FHIT: variants seen among roughly 807,000 people sequenced by gnomAD.
FHIT encodes bis(5'-adenosyl)-triphosphatase.
Under a neutral mutation model 17.9 loss-of-function variants are expected in FHIT, and 19 were observed. That is an observed-to-expected ratio of 1.06 (90% CI 0.74 to 1.56). The LOEUF (loss-of-function observed/expected upper bound fraction) is 1.56. Ranked by LOEUF, FHIT falls within the 40% of genes most tolerant of loss-of-function variation. The pLI is 0.00. For synonymous variants in FHIT, 81 were observed against 69.7 expected (o/e 1.16, Z -0.81); for missense variants, 248 against 189.2 (o/e 1.31, Z -1.82).
intron 2 of FHIT, among the ~76,000 whole-genome samples, chr3:61,092,461 C>G (rs963298208): frequency 6.6e-6 from 1 of 151,468 alleles, no homozygotes; most frequent in Non-Finnish European, 1.5e-5. Context: ...TTGAGAAAAG[C>G]AAAAAGGCCC....
chr3:60,232,197 A>G (rs1003887597), intron 5 of FHIT, among the ~76,000 whole-genome samples: 1 of 152,192 alleles, frequency 6.6e-6, no homozygotes, highest in African/African-American at 2.4e-5. Flanking sequence ...GTCCTGCATC[A>G]TATTTCAAGT....
intron 4 of FHIT, among the ~76,000 whole-genome samples, chr3:60,782,236 T>A (rs1210627410): frequency 1.7e-5 from 1 of 58,044 alleles, no homozygotes; most frequent in Non-Finnish European, 3.8e-5. Flanking sequence ...TGTGTGTGTG[T>A]GTATATATAT....
At chr3:60,943,543 C>T (rs1553775025) in intron 3 of FHIT, among the ~76,000 whole-genome samples, 2 of 152,126 alleles carry the variant, frequency 1.3e-5, no homozygotes, top group African/African-American at 4.8e-5. Context: ...GAGAGTATAG[C>T]TGTTCTCTCT....
intron 4 of FHIT, among the ~76,000 whole-genome samples, chr3:60,790,181 A>C (rs1700725827): frequency 6.6e-6 from 1 of 152,174 alleles, no homozygotes; most frequent in South Asian, 2.1e-4. Flanking sequence ...TTTTGTATTC[A>C]TTGTCAGTGT....
chr3:61,005,615 T>C lies in FHIT; in HGVS notation c.-111+36432A>G, dbSNP rs1200583081. Among the ~76,000 whole-genome samples, 16 of 152,246 alleles carry C rather than the reference T, an allele frequency of 1.1e-4. No individual in the cohort carries two copies. In the East Asian group the frequency reaches 3.1e-3, roughly 29 times the overall value. On this transcript the variant is annotated intron_variant, in intron 3 of 9. Transcript: ENST00000492590. ...TTGAAGTAGTGGAACTGATAAATATTTGTTAATCCTGGTCCCTCAATCCAA... is the reference window on the plus strand; with the variant it reads ...TTGAAGTAGTGGAACTGATAAATATCTGTTAATCCTGGTCCCTCAATCCAA...
chr3:60,149,991 T>C, intron 5 of FHIT, among the ~76,000 whole-genome samples: 1 of 45,504 alleles, frequency 2.2e-5, no homozygotes, highest in East Asian at 6.4e-4. Context: ...TAAGCCTTTT[T>C]TTTTTTTTTT....
chr3:60,682,499 A>G (rs2040773750), intron 4 of FHIT, among the ~76,000 whole-genome samples: 1 of 152,192 alleles, frequency 6.6e-6, no homozygotes, highest in African/African-American at 2.4e-5. Flanking sequence ...CCAACTCTTC[A>G]TGTTCTCTGA....
At chr3:60,248,312 T>C (rs1009317068) in intron 5 of FHIT, among the ~76,000 whole-genome samples, 2 of 152,174 alleles carry the variant, frequency 1.3e-5, no homozygotes, top group African/African-American at 4.8e-5. Flanking sequence ...TTCAGAACTT[T>C]CATATCATTG....
intron 4 of FHIT, among the ~76,000 whole-genome samples, chr3:60,816,296 G>A (rs1345318387): frequency 6.6e-6 from 1 of 152,100 alleles, no homozygotes; most frequent in Non-Finnish European, 1.5e-5. Context: ...AGTAGTAAGA[G>A]TGGGCATCTT....
intron 8 of FHIT, among the ~76,000 whole-genome samples, chr3:59,861,649 C>A (rs1702410536): frequency 6.6e-6 from 1 of 152,186 alleles, no homozygotes; most frequent in South Asian, 2.1e-4. Flanking sequence ...GCAAATCAAT[C>A]ATAATTTATG....
At chr3:60,131,531 G>T (rs1005206145) in intron 5 of FHIT, among the ~76,000 whole-genome samples, 1 of 152,070 alleles carries the variant, frequency 6.6e-6, no homozygotes, top group African/African-American at 2.4e-5. Context: ...AACTGCCTAT[G>T]CTCTGTGTCC....
chr3:60,276,245 T>G (rs1374452917), intron 5 of FHIT, among the ~76,000 whole-genome samples: 4 of 152,088 alleles, frequency 2.6e-5, no homozygotes, highest in Admixed American at 1.3e-4. Context: ...CTCGGCCACC[T>G]AAAGTACTGG....
chr3:60,952,186 A>C (rs1708918797), intron 3 of FHIT, among the ~76,000 whole-genome samples: 1 of 148,930 alleles, frequency 6.7e-6, no homozygotes, highest in South Asian at 2.1e-4. Context: ...CCCCAAAAAA[A>C]AAAAAGAGAT....
intron 3 of FHIT, among the ~76,000 whole-genome samples, chr3:60,977,264 G>A (rs1710298587): frequency 6.6e-6 from 1 of 152,192 alleles, no homozygotes; most frequent in Non-Finnish European, 1.5e-5. Flanking sequence ...GTGAACCTGG[G>A]TGGTGAAGAG....
At chr3:59,939,245 A>C (rs1706391572) in intron 7 of FHIT, among the ~76,000 whole-genome samples, 1 of 152,186 alleles carries the variant, frequency 6.6e-6, no homozygotes, top group Non-Finnish European at 1.5e-5. Context: ...TATGCTGGCC[A>C]AACTTTTTCA....
At chr3:60,423,510 G>A (rs1030892073) in intron 5 of FHIT, among the ~76,000 whole-genome samples, 1 of 152,082 alleles carries the variant, frequency 6.6e-6, no homozygotes, top group African/African-American at 2.4e-5. Flanking sequence ...ATATGAATGA[G>A]ATATCTTAGA....
intron 2 of FHIT, among the ~76,000 whole-genome samples, chr3:61,178,940 C>G (rs1356978968): frequency 6.6e-6 from 1 of 151,508 alleles, no homozygotes; most frequent in Non-Finnish European, 1.5e-5. Flanking sequence ...TATAAAGTTT[C>G]CAAAGTATTT....
At chr3:60,700,189 C>T (rs181167220) in intron 4 of FHIT, among the ~76,000 whole-genome samples, 48 of 150,612 alleles carry the variant, frequency 3.2e-4, no homozygotes, top group African/African-American at 9.7e-4. Context: ...TAAGTCAATA[C>T]GCTATCCCAG....
intron 8 of FHIT, among the ~76,000 whole-genome samples, chr3:59,820,282 C>G (rs1317237984): frequency 6.6e-6 from 1 of 152,188 alleles, no homozygotes; most frequent in African/African-American, 2.4e-5. Flanking sequence ...AGGTAATCTT[C>G]GGCAAATGAT....
Sources: allele counts gnomAD v4.1 joint callset (sites outside exome capture counted in the v4.1 genomes callset), GRCh38; gene constraint gnomAD v4.1.1; transcripts MANE v1.5; gene names NCBI Gene and HGNC (gene_info 2026-07-23, HGNC 2026-07-21).